The following THSD4 variants were observed in gnomAD, a reference collection of about 807,000 sequenced individuals.
THSD4 encodes the protein thrombospondin type 1 domain containing 4.
THSD4 carries 69 observed loss-of-function variants against 119.0 expected under a neutral mutation model. The observed-to-expected ratio is 0.58, with a 90% CI of 0.48 to 0.71. The LOEUF (loss-of-function observed/expected upper bound fraction) is 0.71. Ranked by LOEUF, THSD4 falls within the 30% of genes least tolerant of loss-of-function variation. The pLI, the probability that THSD4 is intolerant of heterozygous loss-of-function variation, is 0.00. For missense variants in THSD4, 1,393 were observed against 1,391.1 expected (o/e 1.00, Z -0.02); for synonymous variants, 524 against 540.4 (o/e 0.97, Z 0.42).
At chr15:71,605,663 G>C (rs927827142) in intron 7 of THSD4, among the ~76,000 whole-genome samples, 1 of 152,190 alleles carries the variant, frequency 6.6e-6, no homozygotes, top group African/African-American at 2.4e-5. Context: ...AGGAAAGATC[G>C]AGAACTAGAT....
At chr15:71,508,951 T>TTTTTC (rs1555421809) in intron 7 of THSD4, among the ~76,000 whole-genome samples, 4 of 150,974 alleles carry the variant, frequency 2.6e-5, no homozygotes, top group African/African-American at 9.7e-5. Flanking sequence ...TTTTTTTTTT[T>TTTTTC]CAAAAAAGGA....
intron 6 of THSD4, among the ~76,000 whole-genome samples, chr15:71,394,625 C>T (rs1566967780): frequency 6.6e-6 from 1 of 152,200 alleles, no homozygotes; most frequent in Non-Finnish European, 1.5e-5. Context: ...GCTGGTGCTA[C>T]TGCTTGGGAT....
At chr15:71,764,414 T>C (rs928617875) in intron 15 of THSD4, among the ~76,000 whole-genome samples, 5 of 152,260 alleles carry the variant, frequency 3.3e-5, no homozygotes, top group African/African-American at 1.2e-4. Flanking sequence ...GTGGGGTCAC[T>C]ACCCCATGGT....
intron 8 of THSD4, among the ~76,000 whole-genome samples, chr15:71,700,205 G>A (rs1364288114): frequency 1.3e-5 from 2 of 152,076 alleles, no homozygotes; most frequent in East Asian, 3.8e-4. Flanking sequence ...GCCAACTTAT[G>A]AAAAACTATT....
chr15:71,229,073 G>A (rs144358895), intron 4 of THSD4, among the ~76,000 whole-genome samples: 23 of 152,252 alleles, frequency 1.5e-4, no homozygotes, highest in African/African-American at 5.1e-4. Flanking sequence ...ATGGGAATTT[G>A]GTATTTAAAA....
At chr15:71,613,360 G>A (rs1262940001) in intron 7 of THSD4, among the ~76,000 whole-genome samples, 3 of 152,106 alleles carry the variant, frequency 2.0e-5, no homozygotes, top group East Asian at 1.9e-4. Flanking sequence ...TGGATCCATT[G>A]TTTGTTTTTT....
chr15:71,205,657 C>T (rs1425109772), intron 3 of THSD4, among the ~76,000 whole-genome samples: 1 of 152,158 alleles, frequency 6.6e-6, no homozygotes, highest in African/African-American at 2.4e-5. Flanking sequence ...ATGTATTGTG[C>T]TCCCGTCTTC....
chr15:71,606,058 T>C (rs1209063065), intron 7 of THSD4, among the ~76,000 whole-genome samples: 4 of 152,226 alleles, frequency 2.6e-5, no homozygotes, highest in East Asian at 1.9e-4. Context: ...GGACTCATCA[T>C]TGGCCATCAG....
At chr15:71,714,327 G>A (rs1458514615) in intron 8 of THSD4, among the ~76,000 whole-genome samples, 1 of 152,148 alleles carries the variant, frequency 6.6e-6, no homozygotes, top group Non-Finnish European at 1.5e-5. Context: ...ACCTAAAACA[G>A]TGCCTGACAC....
intron 8 of THSD4, among the ~76,000 whole-genome samples, chr15:71,665,452 G>A (rs538795417): frequency 6.6e-6 from 1 of 152,064 alleles, no homozygotes; most frequent in East Asian, 1.9e-4. Context: ...TAGGGTATCT[G>A]TTTACTCTGT....
rs986759796 is a variant in THSD4, at chr15:71,567,028, A to G, written c.1153-93502A>G. The stretch of plus-strand genomic sequence containing the variant: ...GAGATTTGGAAACTGCAGGACAGAT[A>G]GAGTAATTGGCCCAACTTCGCATAG... On this transcript the variant is annotated intron_variant, in intron 7 of 17. Transcript: ENST00000261862. 3.3e-5 allele frequency among the ~76,000 whole-genome samples: 5 copies of G among 152,172 alleles called. No individual in the cohort carries two copies. The East Asian group carries it at 7.7e-4, about 23-fold the overall frequency.
intron 7 of THSD4, among the ~76,000 whole-genome samples, chr15:71,520,928 A>G (rs1020286260): frequency 1.1e-4 from 16 of 152,218 alleles, no homozygotes; most frequent in African/African-American, 3.9e-4. Flanking sequence ...AAATCCCAAA[A>G]GAATGAGTGA....
chr15:71,203,841 C>T (rs1051873315), intron 3 of THSD4, among the ~76,000 whole-genome samples: 26 of 152,154 alleles, frequency 1.7e-4, no homozygotes, highest in African/African-American at 6.3e-4. Flanking sequence ...CATGAAAATG[C>T]TTTCGGCTTG....
At chr15:71,694,758 G>A (rs1013488442) in intron 8 of THSD4, among the ~76,000 whole-genome samples, 1 of 152,118 alleles carries the variant, frequency 6.6e-6, no homozygotes, top group Non-Finnish European at 1.5e-5. Flanking sequence ...TTTGTCAGGA[G>A]AAGCCTGAAG....
rs532639058 is a variant in THSD4 at position 71,631,042 on chromosome 15, G to T, written c.1153-29488G>T. Among the ~76,000 whole-genome samples, 9 of 152,286 alleles carry T rather than the reference G, an allele frequency of 5.9e-5. No individual in the cohort carries two copies. In the South Asian group the frequency reaches 1.9e-3, roughly 32 times the overall value. The stretch of plus-strand genomic sequence containing the variant: ...AAAACACCCGCAGACATTTCCCAGT[G>T]TCTCCTGGGGAGGGCAAGATCTCCC... On this transcript the variant is annotated intron_variant, in intron 7 of 17. Transcript: ENST00000261862.
chr15:71,572,501 A>C (rs376158537), intron 7 of THSD4, among the ~76,000 whole-genome samples: 1 of 152,164 alleles, frequency 6.6e-6, no homozygotes. Context: ...ACAGCCTGGC[A>C]CTGGGCTGGC....
intron 7 of THSD4, among the ~76,000 whole-genome samples, chr15:71,426,713 T>G (rs1191375805): frequency 2.6e-5 from 4 of 152,194 alleles, no homozygotes; most frequent in Non-Finnish European, 5.9e-5. Context: ...CTCTCTCTTA[T>G]AAACACCCCA....
At chr15:71,346,992 G>A (rs1356106385) in intron 6 of THSD4, among the ~76,000 whole-genome samples, 2 of 143,198 alleles carry the variant, frequency 1.4e-5, no homozygotes, top group Non-Finnish European at 1.5e-5. Flanking sequence ...TCCTGCCTCC[G>A]CTTCCTGAGT....
chr15:71,696,030 C>T (rs1005657552), intron 8 of THSD4, among the ~76,000 whole-genome samples: 1 of 152,146 alleles, frequency 6.6e-6, no homozygotes, highest in Non-Finnish European at 1.5e-5. Context: ...CACAGAGAGG[C>T]CTCAATAAAT....
Sources: allele counts gnomAD v4.1 joint callset (sites outside exome capture counted in the v4.1 genomes callset), GRCh38; gene constraint gnomAD v4.1.1; transcripts MANE v1.5; gene names NCBI Gene and HGNC (gene_info 2026-07-23, HGNC 2026-07-21).